GTF2H3: variants seen among roughly 807,000 people sequenced by gnomAD.
The protein encoded by GTF2H3 is TFIIH basal transcription factor complex p34 subunit.
GTF2H3 carries 42 observed loss-of-function variants against 51.1 expected under a neutral mutation model. The ratio of observed to expected loss-of-function variants is 0.82; its 90% CI spans 0.64 to 1.06. The LOEUF (loss-of-function observed/expected upper bound fraction) is 1.06, where lower values mean the gene tolerates loss of function less well. GTF2H3 is among the 50% of genes least tolerant of loss of function. The probability of loss-of-function intolerance (pLI) is 0.00; values close to 1 mark genes in which losing one functional copy is unlikely to be tolerated. For synonymous variants in GTF2H3, 123 were observed against 123.8 expected (o/e 0.99, Z 0.04); for missense variants, 326 against 366.1 (o/e 0.89, Z 0.89).
rs780477169 is a variant in GTF2H3, at chr12:123,650,978, T to G, written c.365-16T>G. On this transcript the variant is annotated splice_polypyrimidine_tract_variant and intron_variant, in intron 4 of 12. Coordinates refer to ENST00000543341, the MANE Select transcript of GTF2H3 (RefSeq NM_001516.5). Reference sequence around the variant, plus strand: ...GTACTTAAAAATTCCCTTTTAATGTTTTCTGTTATTTGCAGGTGACATAAA... The same window carrying G: ...GTACTTAAAAATTCCCTTTTAATGTGTTCTGTTATTTGCAGGTGACATAAA... 8.1e-6 allele frequency: 13 copies of G among 1,596,462 alleles called. No homozygotes were observed. Among genetic ancestry groups the G allele is most frequent in the Non-Finnish European group, 1.0e-5 (12 of 1,164,246 alleles).
At chr12:123,643,877 C>T (rs10773021) in intron 2 of GTF2H3, among the ~76,000 whole-genome samples, 20,942 of 152,004 alleles carry the variant, frequency 0.14, 2,877 homozygotes, top group African/African-American at 0.36. Flanking sequence ...GTCACCCAGG[C>T]TAGAGTGCAG....
intron 2 of GTF2H3, among the ~76,000 whole-genome samples, chr12:123,642,829 G>A (rs1375116755): frequency 1.3e-5 from 2 of 152,098 alleles, no homozygotes. Flanking sequence ...AAAAATATCA[G>A]ACAATATTCA....
intron 12 of GTF2H3, 41 bp from the exon 13 acceptor site, chr12:123,660,125 C>G: frequency 1.9e-6 from 3 of 1,608,278 alleles, no homozygotes. Flanking sequence ...TACTTCACAG[C>G]TCTAGAACAT....
intron 2 of GTF2H3, chr12:123,639,887 A>ATGTG (rs1281530557): frequency 1.2e-5 from 4 of 321,384 alleles, no homozygotes; most frequent in Non-Finnish European, 2.5e-5. Context: ...ACTTGTGTGT[A>ATGTG]TGCGTGCGTG....
At chr12:123,640,735 T>G (rs1955358650) in intron 2 of GTF2H3, among the ~76,000 whole-genome samples, 1 of 152,198 alleles carries the variant, frequency 6.6e-6, no homozygotes, top group Non-Finnish European at 1.5e-5. Flanking sequence ...GAAAATTATA[T>G]GAAATTCAAA....
chr12:123,648,843 G>A (rs11572963), intron 4 of GTF2H3, among the ~76,000 whole-genome samples: 377 of 152,204 alleles, frequency 2.5e-3, no homozygotes, highest in African/African-American at 8.1e-3. Flanking sequence ...TTATAGGGAC[G>A]GGGTCTCACT....
chr12:123,654,705 A>G (rs952601606), intron 7 of GTF2H3, among the ~76,000 whole-genome samples: 1 of 152,082 alleles, frequency 6.6e-6, no homozygotes, highest in Non-Finnish European at 1.5e-5. Context: ...ATACCTGCCC[A>G]TGTAGGTGCT....
chr12:123,656,960 C>T (rs551611015), intron 9 of GTF2H3, among the ~76,000 whole-genome samples: 2 of 152,024 alleles, frequency 1.3e-5, no homozygotes, highest in African/African-American at 4.8e-5. Flanking sequence ...TGGTGGTGCA[C>T]GCCTGTAGTC....
chr12:123,652,678 A>C lies in GTF2H3; in HGVS notation c.458-29A>C, dbSNP rs1044162709. The C allele has an allele frequency of 4.5e-6, 7 of 1,543,624 alleles. No individual in the cohort carries two copies. The African/African-American group carries it at 8.3e-5, about 18-fold the overall frequency. Reference sequence around the variant, plus strand: ...ATATATGATTAGTAAGATTTAGTTAAATTTTTTTCTGCTTTTTTCTCTTTG... The same window carrying C: ...ATATATGATTAGTAAGATTTAGTTACATTTTTTTCTGCTTTTTTCTCTTTG... On this transcript the variant is annotated intron_variant, in intron 6 of 12. Transcript: ENST00000543341.
chr12:123,650,190 C>G (rs1955502509), intron 4 of GTF2H3: 1 of 152,284 alleles, frequency 6.6e-6, no homozygotes. Flanking sequence ...CACAGAGTGT[C>G]AATCTGAGCT....
chr12:123,655,713 G>A, intron 8 of GTF2H3, 58 bp from the exon 9 acceptor site: 2 of 1,011,470 alleles, frequency 2.0e-6, no homozygotes, highest in Admixed American at 3.4e-5. Flanking sequence ...TAGGTTCTCA[G>A]TATAGGGTAA....
At chr12:123,634,540 T>C (rs771543778) in intron 1 of GTF2H3, among the ~76,000 whole-genome samples, 3 of 152,216 alleles carry the variant, frequency 2.0e-5, no homozygotes, top group East Asian at 1.9e-4. Context: ...GTGACTAGGA[T>C]TGAGGAGGAG....
At chr12:123,660,117 C>T in intron 12 of GTF2H3, 35 bp downstream of exon 12, 1 of 1,607,256 alleles carries the variant, frequency 6.2e-7, no homozygotes, top group Non-Finnish European at 8.5e-7. Context: ...GTGGCTAATA[C>T]TTCACAGCTC....
At chr12:123,659,978 G>A (rs1955636726) in intron 11 of GTF2H3, 48 bp downstream of exon 11, 1 of 1,601,902 alleles carries the variant, frequency 6.2e-7, no homozygotes, top group Non-Finnish European at 8.5e-7. Flanking sequence ...TTGGGGGGCA[G>A]GAAAACAGTT....
At chr12:123,644,871 C>T (rs539852978) in intron 2 of GTF2H3, among the ~76,000 whole-genome samples, 2 of 152,270 alleles carry the variant, frequency 1.3e-5, no homozygotes, top group African/African-American at 2.4e-5. Flanking sequence ...GAAATTTTAT[C>T]ACAGAACATG....
intron 2 of GTF2H3, among the ~76,000 whole-genome samples, chr12:123,643,116 A>T (rs1006670482): frequency 6.6e-6 from 1 of 152,134 alleles, no homozygotes; most frequent in African/African-American, 2.4e-5. Context: ...GAGCTCAGGC[A>T]GTCTGCCCGC....
At chr12:123,635,435 A>C (rs1955266054) in intron 1 of GTF2H3, among the ~76,000 whole-genome samples, 1 of 151,996 alleles carries the variant, frequency 6.6e-6, no homozygotes, top group Non-Finnish European at 1.5e-5. Flanking sequence ...TAACCGGACA[A>C]GGTGGCGCAC....
chr12:123,651,944 T>G (rs958100436), intron 5 of GTF2H3, among the ~76,000 whole-genome samples: 1 of 152,234 alleles, frequency 6.6e-6, no homozygotes, highest in Non-Finnish European at 1.5e-5. Flanking sequence ...GCTTTCTTGT[T>G]TCTTATTTTG....
intron 3 of GTF2H3, among the ~76,000 whole-genome samples, chr12:123,646,036 A>G (rs925935708): frequency 5.9e-5 from 9 of 152,172 alleles, no homozygotes; most frequent in Non-Finnish European, 8.8e-5. Context: ...CAACTACTCC[A>G]TCTGGTGCTT....
Sources: allele counts gnomAD v4.1 joint callset (sites outside exome capture counted in the v4.1 genomes callset), GRCh38; gene constraint gnomAD v4.1.1; transcripts MANE v1.5; gene names NCBI Gene and HGNC (gene_info 2026-07-23, HGNC 2026-07-21).